Variants in ADGRV1 observed in about 807,000 individuals in gnomAD.
The protein encoded by ADGRV1 is adhesion G protein-coupled receptor V1, also known as G-protein coupled receptor 98.
In ADGRV1, 359 loss-of-function variants were observed where a neutral mutation model predicts 596.2. The observed-to-expected ratio is 0.60, with a 90% CI of 0.55 to 0.66. ADGRV1 has a LOEUF of 0.66. ADGRV1 is among the 30% of genes least tolerant of loss of function. ADGRV1 has a pLI of 0.00. For missense variants in ADGRV1, 7,274 were observed against 7,575.6 expected, an observed-to-expected ratio of 0.96 and a Z score of 1.48; for synonymous variants, 2,681 against 2,679.2, an observed-to-expected ratio of 1.00 and a Z score of -0.02.
intron 20 of ADGRV1, among the ~76,000 whole-genome samples, chr5:90,656,409 G>T (rs1355356866): frequency 6.6e-6 from 1 of 152,112 alleles, no homozygotes; most frequent in Non-Finnish European, 1.5e-5. Flanking sequence ...CATAGAGACA[G>T]AACTAAAGGA....
At chr5:90,567,687 A>G (rs1755819623) in intron 1 of ADGRV1, among the ~76,000 whole-genome samples, 1 of 150,904 alleles carries the variant, frequency 6.6e-6, no homozygotes, top group South Asian at 2.1e-4. Context: ...TAGTAATTCA[A>G]ATCTTCTTCC....
intron 83 of ADGRV1, among the ~76,000 whole-genome samples, chr5:90,871,918 A>T (rs1768723108): frequency 6.6e-6 from 1 of 152,200 alleles, no homozygotes; most frequent in African/African-American, 2.4e-5. Context: ...TGTTGAGAAG[A>T]TACATAGTGG....
chr5:90,930,465 C>T (rs16869229), intron 83 of ADGRV1, among the ~76,000 whole-genome samples: 14,285 of 152,108 alleles, frequency 0.094, 902 homozygotes, highest in East Asian at 0.25. Context: ...CTTTTATTGC[C>T]TGGGTGGTTT....
intron 86 of ADGRV1, among the ~76,000 whole-genome samples, chr5:91,082,134 C>T (rs907501045): frequency 2.0e-5 from 3 of 152,232 alleles, no homozygotes; most frequent in African/African-American, 4.8e-5. Flanking sequence ...GTGTTGCACA[C>T]TCTTTAACCC....
At chr5:91,064,353 G>A (rs902398168) in intron 85 of ADGRV1, among the ~76,000 whole-genome samples, 2 of 152,202 alleles carry the variant, frequency 1.3e-5, no homozygotes, top group South Asian at 2.1e-4. Context: ...GCAATTTGAC[G>A]TTTTATAATT....
chr5:90,958,976 T>G (rs1315173206), intron 83 of ADGRV1, among the ~76,000 whole-genome samples: 7 of 152,166 alleles, frequency 4.6e-5, no homozygotes, highest in African/African-American at 1.7e-4. Context: ...TGTGTTTATG[T>G]GTGTGTGCAT....
rs1763564700 is a variant in ADGRV1, at chr5:90,617,855, A to G, written c.259A>G (p.Ile87Val). 1.9e-6 allele frequency: 3 copies of G among 1,600,608 alleles called. No individual in the cohort carries two copies. Among genetic ancestry groups the G allele is most frequent in the African/African-American group, 1.3e-5 (1 of 74,774 alleles). The change falls in exon 3 of 90, where the codon ATA (isoleucine) becomes GTA (valine). Residue 87 changes from isoleucine to valine, a missense_variant. Physicochemically the swap from Ile to Val is conservative, Grantham distance 29. This residue lies in a region of ADGRV1 where 1,715 missense variants were observed against 1,708.8 expected (regional missense o/e 1.00). Coordinates refer to ENST00000405460, the MANE Select transcript of ADGRV1 (RefSeq NM_032119.4). ...DFFDTYAAAF[I>V]PAGETNRTVY... Reference sequence around the variant, plus strand: ...TTTTGACACATATGCTGCAGCTTTTATACCTGCCGGAGAAACAAACAGAAC... The same window carrying G: ...TTTTGACACATATGCTGCAGCTTTTGTACCTGCCGGAGAAACAAACAGAAC...
intron 11 of ADGRV1, among the ~76,000 whole-genome samples, chr5:90,638,521 T>C (rs1270300115): frequency 6.8e-6 from 1 of 148,016 alleles, no homozygotes; most frequent in African/African-American, 2.5e-5. Context: ...TTAAGAAAAC[T>C]TCACAATCTC....
At chr5:91,142,149 T>A (rs555200180) in intron 87 of ADGRV1, among the ~76,000 whole-genome samples, 1 of 152,256 alleles carries the variant, frequency 6.6e-6, no homozygotes, top group East Asian at 1.9e-4. Context: ...AACCAACACA[T>A]CCCTCAGACC....
At chr5:91,159,374 T>C (rs2126951317) in intron 89 of ADGRV1, among the ~76,000 whole-genome samples, 1 of 152,360 alleles carries the variant, frequency 6.6e-6, no homozygotes, top group South Asian at 2.1e-4. Context: ...GTGCATACTT[T>C]GTTGCATACT....
At chr5:90,884,134 A>G (rs1420133843) in intron 83 of ADGRV1, among the ~76,000 whole-genome samples, 3 of 152,172 alleles carry the variant, frequency 2.0e-5, no homozygotes, top group Non-Finnish European at 4.4e-5. Context: ...GACACTGTTG[A>G]CATTTGGGAC....
intron 34 of ADGRV1, among the ~76,000 whole-genome samples, chr5:90,700,028 T>A (rs549598725): frequency 6.6e-6 from 1 of 152,338 alleles, no homozygotes; most frequent in African/African-American, 2.4e-5. Context: ...TACTTTTTTC[T>A]CTTCATTCCT....
chr5:90,750,849 G>A (rs1221567523), intron 53 of ADGRV1, among the ~76,000 whole-genome samples, 152 bp downstream of exon 53: 4 of 152,088 alleles, frequency 2.6e-5, no homozygotes, highest in Non-Finnish European at 5.9e-5. Context: ...TACAATTTAA[G>A]GTTAGTTTTC....
In ADGRV1 at chr5:91,103,644, A is replaced by G. The variant is rs181895342; in HGVS notation, c.18432+1304A>G. Among the ~76,000 whole-genome samples, 4 of 152,220 alleles carry G rather than the reference A, an allele frequency of 2.6e-5. No individual in the cohort carries two copies. The East Asian group carries it at 7.7e-4, about 29-fold the overall frequency. ...TTTAGATTTTCAAATAGTTGCTTCA[A>G]ACTTTTAAAATTGAGAATTTTCACA... is the stretch of plus-strand genomic sequence containing the variant. On this transcript the variant is annotated intron_variant, in intron 87 of 89. Transcript: ENST00000405460.
At chr5:91,134,721 ATTTC>A (rs1199208916) in intron 87 of ADGRV1, among the ~76,000 whole-genome samples, 1 of 152,116 alleles carries the variant, frequency 6.6e-6, no homozygotes, top group African/African-American at 2.4e-5. Context: ...TGAAGATTTT[ATTTC>A]TTTGTCTTAT....
chr5:90,681,878 CTTTT>C (rs1452173845), intron 27 of ADGRV1, among the ~76,000 whole-genome samples: 1 of 121,936 alleles, frequency 8.2e-6, no homozygotes. Context: ...TTCTTTCTTT[CTTTT>C]TTCGAGACGG....
intron 85 of ADGRV1, chr5:91,031,072 G>A (rs1360709728): frequency 1.4e-6 from 2 of 1,475,672 alleles, no homozygotes; most frequent in South Asian, 1.2e-5. Context: ...CAATCATATA[G>A]GGATGATACA....
chr5:90,606,199 G>A (rs540506954), intron 1 of ADGRV1, among the ~76,000 whole-genome samples: 2 of 152,318 alleles, frequency 1.3e-5, no homozygotes, highest in African/African-American at 2.4e-5. Context: ...CATTGTCAGA[G>A]TAAAATAACT....
intron 87 of ADGRV1, among the ~76,000 whole-genome samples, chr5:91,112,924 T>C (rs1163393316): frequency 6.6e-6 from 1 of 152,110 alleles, no homozygotes; most frequent in African/African-American, 2.4e-5. Context: ...CAAATGCAAA[T>C]CATTATAGAT....
Sources: gnomAD v4.1 joint callset for allele counts (sites outside exome capture counted in the v4.1 genomes callset) on GRCh38, gnomAD v4.1.1 for gene constraint, gnomAD v4.1.1 regional missense constraint, MANE v1.5 for transcripts, NCBI Gene and HGNC (gene_info 2026-07-23, HGNC 2026-07-21) for gene names.